DENND10: variants seen among roughly 807,000 people sequenced by gnomAD.
The protein encoded by DENND10 is DENN domain containing 10, also known as DENN domain-containing protein 10.
Under a neutral mutation model 43.6 loss-of-function variants are expected in DENND10, and 24 were observed. That is an observed-to-expected ratio of 0.55 (90% confidence interval 0.40 to 0.77). The LOEUF is 0.77. DENND10 is among the 30% of genes least tolerant of loss of function. The probability of loss-of-function intolerance (pLI) is 0.00; values close to 1 mark genes in which losing one functional copy is unlikely to be tolerated. For synonymous variants in DENND10, 125 were observed against 157.6 expected (o/e 0.79, Z 1.55); for missense variants, 303 against 429.9 (o/e 0.70, Z 2.61).
At chr10:119,135,814 A>C (rs1846321920) in intron 8 of DENND10, among the ~76,000 whole-genome samples, 3 of 150,154 alleles carry the variant, frequency 2.0e-5, no homozygotes, top group Admixed American at 6.7e-5. Flanking sequence ...AAAAAAAAAA[A>C]AACCAAAACC....
intron 2 of DENND10, 28 bp from the exon 3 acceptor site, chr10:119,111,821 G>A: frequency 6.5e-7 from 1 of 1,526,948 alleles, no homozygotes; most frequent in Non-Finnish European, 9.1e-7. Flanking sequence ...TTTAAAAAGT[G>A]TATTTTTTTG....
chr10:119,111,307 A>G (rs1417621914), intron 2 of DENND10, among the ~76,000 whole-genome samples: 2 of 150,540 alleles, frequency 1.3e-5, no homozygotes, highest in East Asian at 3.9e-4. Flanking sequence ...TACATCTATT[A>G]TGTATCAATA....
At chr10:119,112,930 A>G (rs1226278966) in intron 3 of DENND10, among the ~76,000 whole-genome samples, 2 of 151,676 alleles carry the variant, frequency 1.3e-5, no homozygotes, top group African/African-American at 2.4e-5. Flanking sequence ...GCTCACTGCA[A>G]CCTCTGCCTC....
chr10:119,126,486 A>G (rs1051621184), intron 6 of DENND10, among the ~76,000 whole-genome samples: 2 of 30,144 alleles, frequency 6.6e-5, no homozygotes, highest in African/African-American at 9.5e-5. Flanking sequence ...CTTTTTTGAG[A>G]CAGAGTCTCC....
At chr10:119,136,430 G>A (rs200046773) in intron 8 of DENND10, 41 bp from the exon 9 acceptor site, 468 of 1,563,300 alleles carry the variant, frequency 3.0e-4, no homozygotes, top group Admixed American at 7.5e-4. Context: ...TTCAAATTTC[G>A]GATACTAACA....
rs768423587 is a variant in DENND10 at position 119,136,507 on chromosome 10, C to T, written c.934C>T (p.Leu312=). Residue 312 remains leucine, a synonymous_variant, in exon 9 of 9, where the codon CTA becomes TTA. Coordinates refer to ENST00000361432, the MANE Select transcript of DENND10 (RefSeq NM_207009.4). ...ALKTREIFTN[L]APFSEVSADG... ...AAAAACAAGAGAAATCTTTACCAAC[C>T]TAGCACCGTTTTCAGAAGTTTCGGC... The T allele has an allele frequency of 2.5e-6, 4 of 1,601,606 alleles. No homozygotes were observed. The highest frequency in any genetic ancestry group is 3.4e-6 in the Non-Finnish European group (4 of 1,176,934).
intron 2 of DENND10, among the ~76,000 whole-genome samples, chr10:119,109,606 A>C (rs1844881764): frequency 6.6e-6 from 1 of 151,990 alleles, no homozygotes; most frequent in African/African-American, 2.4e-5. Context: ...ACAAAATATA[A>C]ATTTGCAAGA....
At chr10:119,128,334 G>A (rs1845921447) in intron 6 of DENND10, among the ~76,000 whole-genome samples, 1 of 152,044 alleles carries the variant, frequency 6.6e-6, no homozygotes, top group Non-Finnish European at 1.5e-5. Flanking sequence ...AAAAGGCCAG[G>A]CACAGTGGCT....
rs530658779 is a variant in DENND10 at position 119,128,938 on chromosome 10, T to C, written c.695-577T>C. 1.3e-4 allele frequency among the ~76,000 whole-genome samples: 20 copies of C among 152,262 alleles called. No homozygotes were observed. In the South Asian group the frequency reaches 3.5e-3, roughly 27 times the overall value. ...CTCCGACCCGGCCCCACCTCCAACA[T>C]TGAGGATTACAGTTCGACATGAGAT... On this transcript the variant is annotated intron_variant, in intron 6 of 8. Transcript: ENST00000361432.
chr10:119,130,699 A>T (rs1316672290), intron 7 of DENND10, among the ~76,000 whole-genome samples: 1 of 152,216 alleles, frequency 6.6e-6, no homozygotes, highest in Non-Finnish European at 1.5e-5. Flanking sequence ...AGCCACAGTC[A>T]TCTGAAGGCT....
chr10:119,126,079 T>A (rs1845817993), intron 6 of DENND10, among the ~76,000 whole-genome samples: 1 of 152,200 alleles, frequency 6.6e-6, no homozygotes, highest in African/African-American at 2.4e-5. Context: ...CCGTGGCTTC[T>A]TTTACTTAAC....
chr10:119,114,740 C>G (rs1346674520), intron 3 of DENND10: 1 of 151,680 alleles, frequency 6.6e-6, no homozygotes, highest in Admixed American at 6.6e-5. Context: ...TTATGTTTCT[C>G]TTCTCTATTA....
intron 6 of DENND10, among the ~76,000 whole-genome samples, chr10:119,124,161 C>T (rs1285423010): frequency 6.7e-6 from 1 of 150,220 alleles, no homozygotes; most frequent in African/African-American, 2.5e-5. Context: ...CCACTACACT[C>T]CAGCCTGGGC....
intron 4 of DENND10, among the ~76,000 whole-genome samples, chr10:119,118,376 T>C (rs964599932): frequency 3.3e-5 from 5 of 152,220 alleles, no homozygotes; most frequent in Non-Finnish European, 2.9e-5. Context: ...ATCTCTGTCA[T>C]CTGAAGAGCC....
intron 8 of DENND10, among the ~76,000 whole-genome samples, chr10:119,136,189 C>CA (rs1033723434): frequency 6.6e-6 from 1 of 151,114 alleles, no homozygotes; most frequent in African/African-American, 2.4e-5. Context: ...AAAACAACAA[C>CA]AAAAAAAGGA....
chr10:119,131,858 A>T (rs963989070), intron 7 of DENND10, among the ~76,000 whole-genome samples: 1 of 152,242 alleles, frequency 6.6e-6, no homozygotes, highest in Non-Finnish European at 1.5e-5. Flanking sequence ...CAGCTGAAGC[A>T]TTAGGACCAG....
chr10:119,137,173 T>TAAA lies in DENND10; in HGVS notation c.*546_*548dup, dbSNP rs35834399. 5,239 of 77,986 alleles carry TAAA rather than the reference T, an allele frequency of 0.067. 361 individuals are homozygous for TAAA. The highest frequency in any genetic ancestry group is 0.2 in the African/African-American group (4,139 of 20,392). The allele number at this position is 77,986 out of a possible 1,614,324, so 4.8% of individuals were successfully genotyped here. A position where few individuals can be genotyped will look rare whatever the true frequency, so the allele number is the denominator to read the frequency against. ...TGCAGTTGCACTTTCTCGTAAAAGT[T>TAAA]AAAAAAAAAAAAAAAAAAAAAAGGT... On this transcript the variant is annotated 3_prime_UTR_variant, in exon 9 of 9. Transcript: ENST00000361432.
intron 5 of DENND10, among the ~76,000 whole-genome samples, chr10:119,122,272 C>G (rs1018959016): frequency 6.6e-6 from 1 of 152,208 alleles, no homozygotes; most frequent in Non-Finnish European, 1.5e-5. Flanking sequence ...CACGTCACTG[C>G]ACCCCAGCCT....
intron 6 of DENND10, 117 bp downstream of exon 6, chr10:119,123,686 C>T (rs1210288033): frequency 1.7e-5 from 13 of 747,692 alleles, no homozygotes; most frequent in East Asian, 8.3e-5. Context: ...CTTAGCTCAC[C>T]GCAACGTCCG....
Sources: allele counts gnomAD v4.1 joint callset (sites outside exome capture counted in the v4.1 genomes callset), GRCh38; gene constraint gnomAD v4.1.1; transcripts MANE v1.5; gene names NCBI Gene and HGNC (gene_info 2026-07-23, HGNC 2026-07-21).